Variants in CHRNA5 observed in about 807,000 individuals in gnomAD.
The protein encoded by CHRNA5 is neuronal acetylcholine receptor subunit alpha-5.
A neutral mutation model predicts 41.2 loss-of-function variants in CHRNA5; 28 were observed. The observed-to-expected ratio is 0.68, with a 90% CI of 0.50 to 0.93. The LOEUF (loss-of-function observed/expected upper bound fraction) is 0.93, where lower values mean the gene tolerates loss of function less well. CHRNA5 is among the 40% of genes least tolerant of loss of function. The probability of loss-of-function intolerance (pLI) is 0.00; values close to 1 mark genes in which losing one functional copy is unlikely to be tolerated. For missense variants in CHRNA5, 481 were observed against 581.9 expected (o/e 0.83, Z 1.78); for synonymous variants, 188 against 205.8 (o/e 0.91, Z 0.74).
rs192556881 is a variant in CHRNA5 at position 78,588,647 on chromosome 15, G to A, written c.413+224G>A. ...CAGAGCTAGCACATGGCAGAGTAGG[G>A]GGGTCACACCAAGGGGACTGATACC... On this transcript the variant is annotated intron_variant, in intron 4 of 5. Transcript: ENST00000299565. This position sits in a 1 kb window ranked among gnomAD's most constrained non-coding sequence, Gnocchi z 4.1. 6.6e-6 allele frequency among the ~76,000 whole-genome samples: 1 copy of A among 152,230 alleles called. No homozygotes were observed. The highest frequency in any genetic ancestry group is 1.5e-5 in the Non-Finnish European group (1 of 68,004).
In CHRNA5 at chr15:78,590,351, C is replaced by T. The variant is rs780560672; in HGVS notation, c.960C>T (p.Thr320=). The T allele has an allele frequency of 2.5e-6, 4 of 1,613,946 alleles. No homozygotes were observed. The African/African-American group carries it at 4.0e-5, about 16-fold the overall frequency. ...TAATTGGAGAGTATCTGGTATTTAC[C>T]ATGATTTTTGTGACACTGTCAATTA... The change falls in exon 5 of 6, where the codon ACC becomes ACT. Residue 320 remains threonine (T), a synonymous_variant. Coordinates refer to ENST00000299565, the Ensembl canonical transcript of CHRNA5.
At chr15:78,574,401 CT>C (rs2052838542) in intron 1 of CHRNA5, among the ~76,000 whole-genome samples, 1 of 149,366 alleles carries the variant, frequency 6.7e-6, no homozygotes, top group Non-Finnish European at 1.5e-5. Flanking sequence ...AAAAAAAATC[CT>C]CAGGTATCTT....
intron 5 of CHRNA5, 24 bp downstream of exon 5, chr15:78,590,660 G>A (rs1436583514): frequency 1.9e-6 from 3 of 1,552,478 alleles, no homozygotes; most frequent in Non-Finnish European, 2.6e-6. Context: ...ATTTACAAAT[G>A]CAGATCTTCT....
At chr15:78,593,174 C>A (rs200384194) in exon 6 of CHRNA5, 4 of 1,613,734 alleles carry the variant, frequency 2.5e-6, no homozygotes, top group Non-Finnish European at 3.4e-6. Flanking sequence ...ATTGTTGGAT[C>A]TCTTGGGCTT....
chr15:78,584,035 C>T (rs1019485683), intron 2 of CHRNA5, among the ~76,000 whole-genome samples: 1 of 152,048 alleles, frequency 6.6e-6, no homozygotes, highest in Admixed American at 6.6e-5. Context: ...GGTAACCAAG[C>T]AGAGAAGTTG....
At chr15:78,571,147 A>T (rs1394278349) in intron 1 of CHRNA5, among the ~76,000 whole-genome samples, 2 of 152,234 alleles carry the variant, frequency 1.3e-5, no homozygotes, top group Non-Finnish European at 2.9e-5. Flanking sequence ...ACTGTTGGTC[A>T]GTGTATCACA....
chr15:78,585,765 C>A lies in CHRNA5; in HGVS notation c.259-880C>A, dbSNP rs202170547. Reference sequence around the variant, plus strand: ...GTATTCAAGGCTGCCAATATTTTTTCTTTTTCTTTTTCTTTTCTTTTCTTT... The same window carrying A: ...GTATTCAAGGCTGCCAATATTTTTTATTTTTCTTTTTCTTTTCTTTTCTTT... On this transcript the variant is annotated intron_variant, in intron 2 of 5. Coordinates refer to ENST00000299565, the Ensembl canonical transcript of CHRNA5. Among the ~76,000 whole-genome samples, 8 of 128,622 alleles carry A rather than the reference C, an allele frequency of 6.2e-5. No homozygotes were observed. In the South Asian group the frequency reaches 2.1e-3, roughly 34 times the overall value. 84.4% of individuals were successfully genotyped at this position (128,622 alleles called of 152,430 possible).
At chr15:78,574,152 G>A (rs1404760901) in intron 1 of CHRNA5, among the ~76,000 whole-genome samples, 3 of 151,056 alleles carry the variant, frequency 2.0e-5, no homozygotes, top group African/African-American at 4.9e-5. Context: ...AGGCCAAGGC[G>A]GGCGGATCAC....
At chr15:78,590,184 T>C in exon 5 of CHRNA5, 1 of 1,614,118 alleles carries the variant, frequency 6.2e-7, no homozygotes, top group Middle Eastern at 1.6e-4. Context: ...TATTGGGCTC[T>C]CATTTTTAAC....
exon 6 of CHRNA5, chr15:78,593,354 A>C: frequency 8.4e-7 from 1 of 1,193,752 alleles, no homozygotes; most frequent in Non-Finnish European, 1.1e-6. Context: ...ATTTAGTGCA[A>C]GCTTTAACAG....
Position 78,580,875 on chromosome 15 carries a change from CT to C in CHRNA5, c.172del (p.Tyr58ThrfsTer11). 2 of 1,613,492 alleles carry C rather than the reference CT, an allele frequency of 1.2e-6. No individual in the cohort carries two copies. Among genetic ancestry groups the C allele is most frequent in the Non-Finnish European group, 1.7e-6 (2 of 1,179,370 alleles). On this transcript the variant is annotated frameshift_variant, in exon 2 of 6. Transcript: ENST00000299565. LOFTEE classifies it high-confidence loss of function. ...GTTTGCTTAAGGATTTATTTCAAGA[CT>C]ACGAAAGATGGGTTCGTCCTGTGGA...
At chr15:78,577,286 C>T (rs1011612448) in intron 1 of CHRNA5, among the ~76,000 whole-genome samples, 2 of 152,126 alleles carry the variant, frequency 1.3e-5, no homozygotes, top group African/African-American at 4.8e-5. Context: ...ATTGGATTGT[C>T]TCCTTTTTAA....
exon 6 of CHRNA5, chr15:78,593,711 TTGATA>T (rs955565213): frequency 6.6e-6 from 1 of 152,454 alleles, no homozygotes; most frequent in African/African-American, 2.4e-5. Flanking sequence ...AGCTGACTAC[TTGATA>T]TAATTACTTA....
At chr15:78,580,926 A>C (rs1377888126) in exon 2 of CHRNA5, 25 of 1,614,022 alleles carry the variant, frequency 1.5e-5, no homozygotes, top group African/African-American at 2.7e-5. Flanking sequence ...AAATAAAAAT[A>C]AAATTTGGAC....
chr15:78,588,486 C>A lies in CHRNA5; in HGVS notation c.413+63C>A. The A allele has an allele frequency of 1.3e-6, 1 of 771,402 alleles. No homozygotes were observed. Among genetic ancestry groups the A allele is most frequent in the Non-Finnish European group, 1.9e-6 (1 of 518,574 alleles). 47.8% of individuals were successfully genotyped at this position (771,402 alleles called of 1,614,324 possible). Reference sequence around the variant, plus strand: ...AGAAAACATTTGTATTTCTATTAGGCACTAATAATTTTTCTCCCTTTTGAA... The same window carrying A: ...AGAAAACATTTGTATTTCTATTAGGAACTAATAATTTTTCTCCCTTTTGAA... On this transcript the variant is annotated intron_variant, in intron 4 of 5. Transcript: ENST00000299565. This position sits in a 1 kb window ranked among gnomAD's most constrained non-coding sequence, Gnocchi z 4.1.
At chr15:78,583,874 T>C (rs1427558675) in intron 2 of CHRNA5, among the ~76,000 whole-genome samples, 1 of 152,152 alleles carries the variant, frequency 6.6e-6, no homozygotes, top group African/African-American at 2.4e-5. Context: ...ATTGCTGGCC[T>C]GGAGGAGACT....
At chr15:78,572,778 G>T (rs981548707) in intron 1 of CHRNA5, among the ~76,000 whole-genome samples, 1 of 152,082 alleles carries the variant, frequency 6.6e-6, no homozygotes, top group Non-Finnish European at 1.5e-5. Flanking sequence ...CACCACACCT[G>T]GCTGGTATAT....
At chr15:78,572,151 T>C (rs1481444453) in intron 1 of CHRNA5, among the ~76,000 whole-genome samples, 2 of 152,204 alleles carry the variant, frequency 1.3e-5, no homozygotes, top group Non-Finnish European at 2.9e-5. Context: ...TTCCTTCTTA[T>C]GGCAGCCTGT....
chr15:78,595,196 C>T (rs1044851262), exon 6 of CHRNA5: 20 of 728,744 alleles, frequency 2.7e-5, no homozygotes, highest in Non-Finnish European at 2.9e-5. Flanking sequence ...TACCTTAGTT[C>T]GTATACATCC....
Sources: allele counts gnomAD v4.1 joint callset (sites outside exome capture counted in the v4.1 genomes callset), GRCh38; gene constraint gnomAD v4.1.1; non-coding constraint Gnocchi (gnomAD v3.1); transcripts MANE v1.5; gene names NCBI Gene and HGNC (gene_info 2026-07-23, HGNC 2026-07-21).